The following RARB variants were observed in gnomAD, a reference collection of about 807,000 sequenced individuals.
RARB encodes the protein retinoic acid receptor beta, also known as HBV-activated protein.
Under a neutral mutation model 51.9 loss-of-function variants are expected in RARB, and 17 were observed. That is an observed-to-expected ratio of 0.33 (90% CI 0.22 to 0.49). The LOEUF (loss-of-function observed/expected upper bound fraction) is 0.49. Among genes scored for constraint, RARB ranks in the 20% least tolerant of loss-of-function variants. RARB has a pLI of 0.99. For synonymous variants in RARB, 215 were observed against 195.4 expected, an observed-to-expected ratio of 1.10 and a Z score of -0.84; for missense variants, 369 against 550.8, an observed-to-expected ratio of 0.67 and a Z score of 3.30.
chr3:25,245,269 T>C (rs112668123), intron 5 of RARB, among the ~76,000 whole-genome samples: 1,891 of 152,330 alleles, frequency 0.012, 35 homozygotes, highest in African/African-American at 0.043. Flanking sequence ...TTTGCCAATT[T>C]GTGCCTTTTA....
intron 3 of RARB, among the ~76,000 whole-genome samples, chr3:25,086,827 G>C (rs767218697): frequency 3.6e-4 from 55 of 152,210 alleles, no homozygotes; most frequent in African/African-American, 6.7e-4. Flanking sequence ...ATAAGGGACC[G>C]TGGAGAACAA....
At chr3:25,156,079 T>C (rs976773850) in intron 4 of RARB, among the ~76,000 whole-genome samples, 6 of 152,222 alleles carry the variant, frequency 3.9e-5, no homozygotes, top group Non-Finnish European at 7.3e-5. Context: ...GAGTGCTGTT[T>C]GGTCTTCTGT....
intron 2 of RARB, among the ~76,000 whole-genome samples, chr3:25,495,411 A>G (rs1284314484): frequency 1.3e-5 from 2 of 152,214 alleles, no homozygotes; most frequent in African/African-American, 2.4e-5. Context: ...AGGTGTAAAA[A>G]AGACAGTTAT....
At chr3:25,439,295 G>T (rs759301956) in intron 1 of RARB, among the ~76,000 whole-genome samples, 3 of 149,576 alleles carry the variant, frequency 2.0e-5, no homozygotes, top group South Asian at 2.2e-4. Flanking sequence ...ATTGTGTGCA[G>T]AGGATCCCAA....
chr3:24,873,066 A>G (rs1027044871), intron 2 of RARB, among the ~76,000 whole-genome samples: 1 of 152,220 alleles, frequency 6.6e-6, no homozygotes, highest in Admixed American at 6.5e-5. Context: ...AGCACAGACA[A>G]TACATTTTTT....
chr3:25,505,727 G>A (rs1397090312), intron 3 of RARB, among the ~76,000 whole-genome samples: 1 of 152,110 alleles, frequency 6.6e-6, no homozygotes, highest in Admixed American at 6.6e-5. Context: ...AGTTTATGAA[G>A]AATTGGAGAA....
chr3:25,350,961 A>G (rs1016063363), intron 5 of RARB, among the ~76,000 whole-genome samples: 4 of 152,154 alleles, frequency 2.6e-5, no homozygotes, highest in African/African-American at 9.7e-5. Flanking sequence ...TTTTCTGTAG[A>G]GCCTCCAGTT....
intron 3 of RARB, among the ~76,000 whole-genome samples, chr3:25,122,594 G>A (rs1909522): frequency 0.011 from 1,641 of 152,232 alleles, 22 homozygotes; most frequent in Middle Eastern, 0.02. Context: ...GGACAAGTTA[G>A]CTCTCTTGAA....
chr3:25,115,216 A>T (rs1699666120), intron 3 of RARB, among the ~76,000 whole-genome samples: 1 of 152,208 alleles, frequency 6.6e-6, no homozygotes, highest in African/African-American at 2.4e-5. Context: ...TTACTTAAAA[A>T]AACTGTCTAC....
intron 3 of RARB, among the ~76,000 whole-genome samples, chr3:25,560,789 T>C (rs1700238493): frequency 6.6e-6 from 1 of 152,218 alleles, no homozygotes; most frequent in South Asian, 2.1e-4. Flanking sequence ...TTGTGTATAT[T>C]AAATCCTTAT....
chr3:25,251,642 G>C (rs1702723772), intron 5 of RARB, among the ~76,000 whole-genome samples: 1 of 152,018 alleles, frequency 6.6e-6, no homozygotes, highest in Non-Finnish European at 1.5e-5. Context: ...TGTGCCTATT[G>C]GCTATTTGCA....
At chr3:25,067,177 G>A (rs149911587) in intron 3 of RARB, among the ~76,000 whole-genome samples, 1 of 152,154 alleles carries the variant, frequency 6.6e-6, no homozygotes. Context: ...GCCTGGAGAG[G>A]TGATTTGAGC....
intron 5 of RARB, among the ~76,000 whole-genome samples, chr3:25,354,714 T>C (rs1236651217): frequency 6.6e-6 from 1 of 152,110 alleles, no homozygotes; most frequent in Non-Finnish European, 1.5e-5. Flanking sequence ...TTGCTTTTGT[T>C]GGGTTTGATG....
At chr3:25,017,029 C>T (rs1325707627) in intron 2 of RARB, among the ~76,000 whole-genome samples, 1 of 152,100 alleles carries the variant, frequency 6.6e-6, no homozygotes, top group Non-Finnish European at 1.5e-5. Context: ...ACAAATGAGT[C>T]ACCAAAGTCA....
intron 4 of RARB, among the ~76,000 whole-genome samples, chr3:25,137,803 T>G (rs564826192): frequency 3.4e-4 from 52 of 152,202 alleles, no homozygotes; most frequent in African/African-American, 1.3e-3. Flanking sequence ...AGTCCACCCT[T>G]CTAATTCCCA....
chr3:25,231,314 G>A (rs534593150), intron 5 of RARB, among the ~76,000 whole-genome samples: 1 of 152,240 alleles, frequency 6.6e-6, no homozygotes, highest in Non-Finnish European at 1.5e-5. Flanking sequence ...CTTCTTTAAA[G>A]TTAGCTTCTT....
At chr3:25,112,994 G>A (rs1191514547) in intron 3 of RARB, among the ~76,000 whole-genome samples, 1 of 152,108 alleles carries the variant, frequency 6.6e-6, no homozygotes, top group Non-Finnish European at 1.5e-5. Flanking sequence ...CTCTTGATAT[G>A]AGATATTCAG....
At chr3:25,559,081 C>T (rs1056553751) in intron 3 of RARB, among the ~76,000 whole-genome samples, 1 of 152,076 alleles carries the variant, frequency 6.6e-6, no homozygotes, top group East Asian at 1.9e-4. Flanking sequence ...CTTTTGGCCT[C>T]CTGAATGAGA....
chr3:25,442,110 T>TA (rs761180369), intron 1 of RARB, among the ~76,000 whole-genome samples: 20,728 of 142,988 alleles, frequency 0.14, 1,714 homozygotes, highest in Non-Finnish European at 0.2. Flanking sequence ...TTTAATTTTA[T>TA]TTTATTTTTA....
Sources: gnomAD v4.1 joint callset for allele counts (sites outside exome capture counted in the v4.1 genomes callset) on GRCh38, gnomAD v4.1.1 for gene constraint, MANE v1.5 for transcripts, NCBI Gene and HGNC (gene_info 2026-07-23, HGNC 2026-07-21) for gene names.